The following CDS1 variants were observed in gnomAD, a reference collection of about 807,000 sequenced individuals.
CDS1 encodes the protein phosphatidate cytidylyltransferase 1.
Under a neutral mutation model 62.1 loss-of-function variants are expected in CDS1, and 41 were observed. That is an observed-to-expected ratio of 0.66 (90% CI 0.51 to 0.86). The LOEUF (loss-of-function observed/expected upper bound fraction) is 0.86. Among genes scored for constraint, CDS1 ranks in the 40% least tolerant of loss-of-function variants. CDS1 has a pLI of 0.00. For synonymous variants in CDS1, 185 were observed against 192.6 expected, an observed-to-expected ratio of 0.96 and a Z score of 0.32; for missense variants, 470 against 550.1, an observed-to-expected ratio of 0.85 and a Z score of 1.46.
rs546149921 is a variant in CDS1 at position 84,612,928 on chromosome 4, G to A, written c.342+3403G>A. Among the ~76,000 whole-genome samples the A allele has an allele frequency of 8.0e-4, 120 of 150,510 alleles. 1 individual carries two copies. Among genetic ancestry groups the A allele is most frequent in the Non-Finnish European group, 1.4e-3 (96 of 67,798 alleles). On this transcript the variant is annotated intron_variant, in intron 3 of 12. Coordinates refer to ENST00000295887, the MANE Select transcript of CDS1 (RefSeq NM_001263.4). ...CGCTTGATCCTGGGAGGTGGAGGTTGCAGTGAGCTGAGATCACACCACGGC... is the reference window on the plus strand; with the variant it reads ...CGCTTGATCCTGGGAGGTGGAGGTTACAGTGAGCTGAGATCACACCACGGC...
chr4:84,612,360 T>C (rs953766271), intron 3 of CDS1, among the ~76,000 whole-genome samples: 1 of 152,048 alleles, frequency 6.6e-6, no homozygotes, highest in African/African-American at 2.4e-5. Context: ...ATCTAAGATA[T>C]CAGAAACCAC....
intron 9 of CDS1, 76 bp downstream of exon 9, chr4:84,639,068 T>C (rs1287206661): frequency 4.6e-6 from 3 of 654,488 alleles, no homozygotes; most frequent in African/African-American, 1.9e-5. Flanking sequence ...ATTTTAAACC[T>C]AGAAAAATTA....
intron 5 of CDS1, among the ~76,000 whole-genome samples, chr4:84,626,023 C>G (rs570627355): frequency 2.6e-5 from 4 of 151,772 alleles, no homozygotes; most frequent in African/African-American, 9.7e-5. Context: ...CAAAATTAGC[C>G]GGGCGTGGTG....
At position 84,583,455 on chromosome 4, in the gene CDS1, G is replaced by A; in HGVS notation, c.54G>A (p.Ser18=). Residue 18 remains serine (S), a synonymous_variant, in exon 1 of 13, where the codon TCG becomes TCA. Coordinates refer to ENST00000295887, the MANE Select transcript of CDS1 (RefSeq NM_001263.4). ...GSCPGPREAV[S]PPHREGEAAG... ...GCCCCGGCCCCAGGGAAGCGGTGTC[G>A]CCGCCACACCGCGAGGGAGAGGCGG... The A allele has an allele frequency of 6.3e-7, 1 of 1,584,410 alleles. No individual in the cohort carries two copies. The highest frequency in any genetic ancestry group is 1.4e-5 in the African/African-American group (1 of 73,484).
At chr4:84,614,140 G>A (rs760906439) in intron 3 of CDS1, among the ~76,000 whole-genome samples, 2 of 151,922 alleles carry the variant, frequency 1.3e-5, no homozygotes, top group Admixed American at 6.6e-5. Context: ...GGCCAGGTGC[G>A]GTGGCACACA....
chr4:84,619,044 T>TACACACACACAC lies in CDS1; in HGVS notation c.441-319_441-308dup, dbSNP rs33991933. 8.6e-3 allele frequency among the ~76,000 whole-genome samples: 1,210 copies of TACACACACACAC among 140,956 alleles called. 12 individuals carry two copies. The highest frequency in any genetic ancestry group is 0.011 in the Admixed American group (158 of 13,986). 92.5% of individuals were successfully genotyped at this position (140,956 alleles called of 152,430 possible). A position where few individuals can be genotyped will look rare whatever the true frequency, so the allele number is the denominator to read the frequency against. On this transcript the variant is annotated intron_variant, in intron 4 of 12. Coordinates refer to ENST00000295887, the MANE Select transcript of CDS1 (RefSeq NM_001263.4). Reference sequence around the variant, plus strand: ...ACATACACACAAAGTATTAAATTTATACACACACACACACACACACACACA... The same window carrying TACACACACACAC: ...ACATACACACAAAGTATTAAATTTATACACACACACACACACACACACACACACACACACACA...
At chr4:84,628,795 A>G (rs1723932529) in intron 5 of CDS1, among the ~76,000 whole-genome samples, 1 of 152,102 alleles carries the variant, frequency 6.6e-6, no homozygotes, top group South Asian at 2.1e-4. Flanking sequence ...TTGGCCTCCC[A>G]AGGTGTTGGG....
intron 1 of CDS1, among the ~76,000 whole-genome samples, chr4:84,590,812 A>G (rs546643519): frequency 1.3e-5 from 2 of 152,334 alleles, no homozygotes; most frequent in South Asian, 4.1e-4. Context: ...TTACAGAGAT[A>G]ATATTGATGA....
intron 11 of CDS1, 96 bp from the exon 12 acceptor site, chr4:84,645,126 G>A (rs1037536080): frequency 1.3e-5 from 10 of 765,742 alleles, no homozygotes; most frequent in Admixed American, 4.5e-5. Flanking sequence ...ATGTATTTTC[G>A]TTAGAGTGAG....
chr4:84,588,751 TA>T (rs1241434913), intron 1 of CDS1, among the ~76,000 whole-genome samples: 1 of 152,178 alleles, frequency 6.6e-6, no homozygotes, highest in Non-Finnish European at 1.5e-5. Flanking sequence ...GTCTATCTTT[TA>T]AAAGGCCAAT....
At chr4:84,599,072 C>G (rs2110041539) in intron 1 of CDS1, among the ~76,000 whole-genome samples, 1 of 152,210 alleles carries the variant, frequency 6.6e-6, no homozygotes, top group East Asian at 1.9e-4. Context: ...GTAGCCTAAA[C>G]AACAGGAATT....
chr4:84,629,004 A>T (rs990217906), intron 5 of CDS1, among the ~76,000 whole-genome samples: 5 of 152,204 alleles, frequency 3.3e-5, no homozygotes, highest in Non-Finnish European at 5.9e-5. Context: ...TTTTATATAA[A>T]GAACTATATA....
At chr4:84,636,017 A>G (rs1398111942) in intron 8 of CDS1, among the ~76,000 whole-genome samples, 1 of 151,876 alleles carries the variant, frequency 6.6e-6, no homozygotes, top group Non-Finnish European at 1.5e-5. Flanking sequence ...TCAGCCTCCC[A>G]AAGTACTGGG....
chr4:84,638,014 G>T (rs940308749), intron 8 of CDS1, among the ~76,000 whole-genome samples: 4 of 152,142 alleles, frequency 2.6e-5, no homozygotes, highest in Admixed American at 2.0e-4. Context: ...TCTATGAAGA[G>T]CTCCTATAGG....
chr4:84,624,686 A>G (rs1207826274), intron 5 of CDS1, among the ~76,000 whole-genome samples: 1 of 152,096 alleles, frequency 6.6e-6, no homozygotes, highest in African/African-American at 2.4e-5. Context: ...GTTTTGCTAT[A>G]ATTTATGCTT....
chr4:84,626,060 G>A (rs181176520), intron 5 of CDS1, among the ~76,000 whole-genome samples: 3 of 151,890 alleles, frequency 2.0e-5, no homozygotes, highest in Non-Finnish European at 2.9e-5. Flanking sequence ...CCAGCTACTC[G>A]GGAGGCTGAC....
At chr4:84,638,426 A>C (rs1436534835) in intron 8 of CDS1, among the ~76,000 whole-genome samples, 10 of 152,222 alleles carry the variant, frequency 6.6e-5, no homozygotes, top group African/African-American at 2.4e-4. Flanking sequence ...GTGTGTATAT[A>C]GCATATTAGG....
intron 1 of CDS1, among the ~76,000 whole-genome samples, chr4:84,593,549 A>G (rs753430949): frequency 7.1e-4 from 108 of 151,800 alleles, no homozygotes; most frequent in Admixed American, 5.1e-3. Flanking sequence ...CTGTCACCCA[A>G]GCTGGAGTGC....
At chr4:84,594,486 G>T (rs766153202) in intron 1 of CDS1, among the ~76,000 whole-genome samples, 1 of 151,936 alleles carries the variant, frequency 6.6e-6, no homozygotes, top group Non-Finnish European at 1.5e-5. Flanking sequence ...GCATTTCAGA[G>T]CTACTAATGT....
Sources: gnomAD v4.1 joint callset for allele counts (sites outside exome capture counted in the v4.1 genomes callset) on GRCh38, gnomAD v4.1.1 for gene constraint, MANE v1.5 for transcripts, NCBI Gene and HGNC (gene_info 2026-07-23, HGNC 2026-07-21) for gene names.